CDH22: variants seen among roughly 807,000 people sequenced by gnomAD.
CDH22 encodes the protein cadherin-22.
In CDH22, 30 loss-of-function variants were observed where a neutral mutation model predicts 58.4. The observed-to-expected ratio is 0.51, with a 90% CI of 0.38 to 0.70. The LOEUF is 0.70. Among genes scored for constraint, CDH22 ranks in the 30% least tolerant of loss-of-function variants. The pLI is 0.00. For missense variants in CDH22, 1,014 were observed against 1,233.9 expected, an observed-to-expected ratio of 0.82 and a Z score of 2.67; for synonymous variants, 513 against 558.2, an observed-to-expected ratio of 0.92 and a Z score of 1.14.
intron 7 of CDH22, among the ~76,000 whole-genome samples, chr20:46,201,287 T>C (rs990795571): frequency 5.3e-5 from 8 of 152,210 alleles, no homozygotes; most frequent in African/African-American, 1.9e-4. Context: ...GAAAGGGGCC[T>C]TTTTGTAGTC....
intron 10 of CDH22, among the ~76,000 whole-genome samples, chr20:46,186,042 C>T (rs988865167): frequency 1.3e-5 from 2 of 151,812 alleles, no homozygotes; most frequent in Admixed American, 1.3e-4. Context: ...GCAAAAATCC[C>T]GTCTCTACAA....
intron 2 of CDH22, among the ~76,000 whole-genome samples, chr20:46,242,821 T>A (rs919413899): frequency 6.6e-6 from 1 of 152,218 alleles, no homozygotes; most frequent in Non-Finnish European, 1.5e-5. Flanking sequence ...ATGGTAGCTA[T>A]CGTTATTATT....
chr20:46,228,234 C>T (rs1321372178), intron 3 of CDH22, among the ~76,000 whole-genome samples: 2 of 151,502 alleles, frequency 1.3e-5, no homozygotes, highest in Non-Finnish European at 1.5e-5. Context: ...GTCTCTTGGC[C>T]CCCGGCAGGA....
chr20:46,210,748 G>A lies in CDH22; in HGVS notation c.1033-188C>T, dbSNP rs1600698507. ...CCGGTGGGTTACGGGTGGAGAAACT[G>A]AGGATCCTCGAGGACAGTCTTGCCT... On this transcript the variant is annotated intron_variant, in intron 6 of 11. Transcript: ENST00000537909. The surrounding 1 kb of genome is among the most constrained non-coding windows in gnomAD (Gnocchi z 4.5). Among the ~76,000 whole-genome samples the A allele has an allele frequency of 6.6e-6, 1 of 152,168 alleles. No individual in the cohort carries two copies. The highest frequency in any genetic ancestry group is 2.1e-4 in the South Asian group (1 of 4,830).
chr20:46,236,649 A>ATCTATC (rs376371729), intron 3 of CDH22, among the ~76,000 whole-genome samples: 1 of 135,824 alleles, frequency 7.4e-6, no homozygotes, highest in Non-Finnish European at 1.5e-5. Flanking sequence ...TTATATATTA[A>ATCTATC]TATCTATCTA....
At chr20:46,274,114 A>G (rs2086505563) in intron 1 of CDH22, among the ~76,000 whole-genome samples, 1 of 152,196 alleles carries the variant, frequency 6.6e-6, no homozygotes, top group African/African-American at 2.4e-5. Context: ...AAATTTTGTC[A>G]TCTCCCTTGG....
At chr20:46,246,495 C>T (rs1001802892) in intron 2 of CDH22, among the ~76,000 whole-genome samples, 3 of 152,088 alleles carry the variant, frequency 2.0e-5, no homozygotes, top group Non-Finnish European at 2.9e-5. Context: ...AATTATAGTT[C>T]GGAAAACGGA....
Position 46,174,633 on chromosome 20 carries a change from G to C in CDH22, c.2360C>G (p.Ser787Cys), listed in dbSNP as rs781576014. Residue 787 changes from serine (S) to cysteine (C), a missense_variant, in exon 12 of 12, where the codon TCC becomes TGC. Ser to Cys is a moderately radical substitution (Grantham distance 112). Around this residue, in one of 2 missense-constraint regions of CDH22, gnomAD observed 208 missense variants for 195.2 expected, o/e 1.07. Coordinates refer to ENST00000537909, the MANE Select transcript of CDH22 (RefSeq NM_021248.3). This position sits in a 1 kb window ranked among gnomAD's most constrained non-coding sequence, Gnocchi z 4.4. ...GGAGCCCGACGAGCCGCTGTGCAGG[G>C]AGCTGAGCGAGGCGGCCGGCGAGTC... ...GADSPAASLS[S>C]LHSGSSGSEQ... The C allele has an allele frequency of 2.6e-5, 41 of 1,550,960 alleles. No individual in the cohort carries two copies. The highest frequency in any genetic ancestry group is 3.5e-5 in the Non-Finnish European group (40 of 1,153,808).
chr20:46,193,902 C>A (rs577920146), intron 8 of CDH22, among the ~76,000 whole-genome samples: 95 of 152,216 alleles, frequency 6.2e-4, no homozygotes, highest in African/African-American at 2.1e-3. Flanking sequence ...GCCTGTAATC[C>A]CAGTGCTTTG....
In CDH22 at chr20:46,210,164, C is replaced by T; in HGVS notation, c.1286+143G>A. 1 of 844,438 alleles carries T rather than the reference C, an allele frequency of 1.2e-6. No individual in the cohort carries two copies. The highest frequency in any genetic ancestry group is 1.7e-6 in the Non-Finnish European group (1 of 605,502). The allele number at this position is 844,438 out of a possible 1,614,324, so 52.3% of individuals were successfully genotyped here. A position where few individuals can be genotyped will look rare whatever the true frequency, so the allele number is the denominator to read the frequency against. ...TGCCTGTTTCTCTCCACCCGTGCGC[C>T]TCTCTCCGCGCCTCCCTCCCCCACG... is the stretch of plus-strand genomic sequence containing the variant. On this transcript the variant is annotated intron_variant, in intron 7 of 11. Coordinates refer to ENST00000537909, the MANE Select transcript of CDH22 (RefSeq NM_021248.3). This position sits in a 1 kb window ranked among gnomAD's most constrained non-coding sequence, Gnocchi z 4.5.
chr20:46,210,012 C>T lies in CDH22; in HGVS notation c.1286+295G>A, dbSNP rs1046288620. ...GCCAGTGTGGCTGCAGCCAGCAGCGCGGAGACCCCGCCAGTGCAGTGCCCG... is the reference window on the plus strand; with the variant it reads ...GCCAGTGTGGCTGCAGCCAGCAGCGTGGAGACCCCGCCAGTGCAGTGCCCG... On this transcript the variant is annotated intron_variant, in intron 7 of 11. Transcript: ENST00000537909. This position sits in a 1 kb window ranked among gnomAD's most constrained non-coding sequence, Gnocchi z 4.5. 3 of 331,396 alleles carry T rather than the reference C, an allele frequency of 9.1e-6. No homozygotes were observed. The highest frequency in any genetic ancestry group is 1.1e-5 in the Non-Finnish European group (2 of 182,182). The allele number at this position is 331,396 out of a possible 1,614,324, so 20.5% of individuals were successfully genotyped here. A position where few individuals can be genotyped will look rare whatever the true frequency, so the allele number is the denominator to read the frequency against.
At chr20:46,227,123 C>T (rs555349673) in intron 4 of CDH22, among the ~76,000 whole-genome samples, 1 of 152,332 alleles carries the variant, frequency 6.6e-6, no homozygotes, top group African/African-American at 2.4e-5. Context: ...CAGCCGTCCT[C>T]CCTTCCCCAA....
chr20:46,253,885 G>C (rs1169873967), intron 1 of CDH22, among the ~76,000 whole-genome samples: 1 of 152,160 alleles, frequency 6.6e-6, no homozygotes, highest in African/African-American at 2.4e-5. Context: ...CGATGGAGTG[G>C]CATGTCAAGG....
At chr20:46,225,132 G>A (rs907670043) in intron 4 of CDH22, among the ~76,000 whole-genome samples, 3 of 152,224 alleles carry the variant, frequency 2.0e-5, no homozygotes, top group African/African-American at 4.8e-5. Flanking sequence ...CGTGGCTCAC[G>A]GGAGTGTCGT....
intron 1 of CDH22, among the ~76,000 whole-genome samples, chr20:46,258,000 T>C (rs972224185): frequency 2.6e-5 from 4 of 152,322 alleles, no homozygotes; most frequent in East Asian, 3.9e-4. Context: ...GGTAAGTGTC[T>C]GTCCAACTTT....
chr20:46,276,827 C>CAA (rs3092672), intron 1 of CDH22, among the ~76,000 whole-genome samples: 102,302 of 151,986 alleles, frequency 0.67, 34,547 homozygotes, highest in East Asian at 0.76. Flanking sequence ...GCCAGATCCA[C>CAA]AGAGTGTGAG....
In CDH22 at chr20:46,226,811, CTG is replaced by C. The variant is rs2086178457; in HGVS notation, c.670+695_670+696del. Among the ~76,000 whole-genome samples, 5 of 152,322 alleles carry C rather than the reference CTG, an allele frequency of 3.3e-5. No individual in the cohort carries two copies. In the South Asian group the frequency reaches 1.0e-3, roughly 32 times the overall value. Reference sequence around the variant, plus strand: ...CGCTGGAATTGGCAGCCACTCCCAGCTGTGTGACCTCAAGTGAGTCACTTCAC... The same window carrying C: ...CGCTGGAATTGGCAGCCACTCCCAGCTGTGACCTCAAGTGAGTCACTTCAC... On this transcript the variant is annotated intron_variant, in intron 4 of 11. Coordinates refer to ENST00000537909, the MANE Select transcript of CDH22 (RefSeq NM_021248.3).
chr20:46,217,037 G>T lies in CDH22; in HGVS notation c.671-44C>A, dbSNP rs200569623. The stretch of plus-strand genomic sequence containing the variant: ...GAGGCCAGGGCACCCCACACCACCT[G>T]CCCACTGATGTGGAGACCCCTGTAC... On this transcript the variant is annotated intron_variant, in intron 4 of 11. Transcript: ENST00000537909. 1.5e-4 allele frequency: 227 copies of T among 1,555,752 alleles called. 1 individual carries two copies. The African/African-American group carries it at 2.7e-3, about 19-fold the overall frequency.
chr20:46,283,087 A>G (rs889109273), intron 1 of CDH22, among the ~76,000 whole-genome samples: 10 of 152,222 alleles, frequency 6.6e-5, no homozygotes, highest in African/African-American at 2.2e-4. Context: ...TTTTGTTTAC[A>G]GCATGCAGTA....
Sources: allele counts gnomAD v4.1 joint callset (sites outside exome capture counted in the v4.1 genomes callset), GRCh38; gene constraint gnomAD v4.1.1; regional missense constraint gnomAD v4.1.1; non-coding constraint Gnocchi (gnomAD v3.1); transcripts MANE v1.5; gene names NCBI Gene and HGNC (gene_info 2026-07-23, HGNC 2026-07-21).